RMI1: variants seen among roughly 807,000 people sequenced by gnomAD.
RMI1 encodes RecQ mediated genome instability 1.
RMI1 carries 36 observed loss-of-function variants against 46.7 expected under a neutral mutation model. The observed-to-expected ratio is 0.77, with a 90% CI of 0.59 to 1.02. RMI1 has a LOEUF of 1.02. RMI1 is among the 50% of genes least tolerant of loss of function. The pLI is 0.00. For missense variants in RMI1, 676 were observed against 713.7 expected, an observed-to-expected ratio of 0.95 and a Z score of 0.60; for synonymous variants, 250 against 252.9, an observed-to-expected ratio of 0.99 and a Z score of 0.11.
rs1387134061 is a variant in RMI1, at chr9:84,002,821, A to G, written c.1835A>G (p.Asn612Ser). Reference sequence around the variant, plus strand: ...ATGGTACTGGCATTACAAGATGTTAATATGGAACACCTTGAGAATCTAAAG... The same window carrying G: ...ATGGTACTGGCATTACAAGATGTTAGTATGGAACACCTTGAGAATCTAAAG... ...KAMVLALQDV[N>S]MEHLENLKKR... Residue 612 changes from asparagine (N) to serine (S), a missense_variant, in exon 3 of 3, where the codon AAT becomes AGT. By Grantham distance (46) the Asn-to-Ser change is conservative. Coordinates refer to ENST00000445877, the MANE Select transcript of RMI1 (RefSeq NM_001358291.2). The G allele has an allele frequency of 2.5e-6, 4 of 1,587,962 alleles. No homozygotes were observed. The East Asian group carries it at 6.8e-5, about 27-fold the overall frequency.
chr9:83,996,911 A>G (rs536204106), intron 1 of RMI1, among the ~76,000 whole-genome samples: 108 of 152,204 alleles, frequency 7.1e-4, no homozygotes, highest in South Asian at 1.9e-3. Flanking sequence ...ATTTATAAAC[A>G]AAGCATACAT....
chr9:83,988,816 AT>A, intron 1 of RMI1, among the ~76,000 whole-genome samples: 1 of 151,924 alleles, frequency 6.6e-6, no homozygotes, highest in East Asian at 1.9e-4. Flanking sequence ...CCATCTGCAT[AT>A]TTTCTTTGGT....
At chr9:83,992,217 C>G (rs982327250) in intron 1 of RMI1, among the ~76,000 whole-genome samples, 10 of 152,148 alleles carry the variant, frequency 6.6e-5, no homozygotes, top group Admixed American at 5.2e-4. Flanking sequence ...TTATAAAATA[C>G]ACTGTTTTGT....
chr9:84,001,106 T>C lies in RMI1; in HGVS notation c.120T>C (p.Asn40=), dbSNP rs1181110395. ...CINWIQEENN[N]VNLSQAQMNK... ...ACTGGATTCAAGAAGAAAATAATAA[T>C]GTTAACTTGAGTCAGGCCCAAATGA... Residue 40 remains asparagine, a synonymous_variant, in exon 3 of 3, where the codon AAT becomes AAC. Transcript: ENST00000445877. The C allele has an allele frequency of 2.5e-6, 4 of 1,614,110 alleles. No homozygotes were observed. Among genetic ancestry groups the C allele is most frequent in the Non-Finnish European group, 3.4e-6 (4 of 1,179,990 alleles).
At position 84,002,020 on chromosome 9, in the gene RMI1, C is replaced by T. The variant is rs751172957; in HGVS notation, c.1034C>T (p.Ala345Val). 6.2e-7 allele frequency: 1 copy of T among 1,613,908 alleles called. No individual in the cohort carries two copies. Among genetic ancestry groups the T allele is most frequent in the Non-Finnish European group, 8.5e-7 (1 of 1,179,902 alleles). ...CAACCATTGACTTTTAACAGAAATG[C>T]CGATCGAAGTATAGAGAGATTTTCA... The part of the protein sequence containing the change: ...ELQPLTFNRN[A>V]DRSIERFSHN... The change falls in exon 3 of 3, where the codon GCC (alanine) becomes GTC (valine). Residue 345 changes from alanine to valine, a missense_variant. By Grantham distance (64) the Ala-to-Val change is moderately conservative. Coordinates refer to ENST00000445877, the MANE Select transcript of RMI1 (RefSeq NM_001358291.2).
intron 1 of RMI1, among the ~76,000 whole-genome samples, chr9:83,983,233 T>A (rs1218012034): frequency 6.6e-6 from 1 of 152,238 alleles, no homozygotes; most frequent in African/African-American, 2.4e-5. Context: ...TGTGAACGAA[T>A]GAACTAGCAC....
intron 1 of RMI1, among the ~76,000 whole-genome samples, chr9:83,984,207 C>G (rs973055701): frequency 6.6e-6 from 1 of 151,270 alleles, no homozygotes; most frequent in Admixed American, 6.6e-5. Flanking sequence ...TTTCTTTGTC[C>G]TTATTTATGA....
At chr9:83,990,491 CAG>C in intron 1 of RMI1, among the ~76,000 whole-genome samples, 1 of 141,742 alleles carries the variant, frequency 7.1e-6, no homozygotes, top group East Asian at 2.1e-4. Flanking sequence ...GCCTGGGCGA[CAG>C]AGCTAGAATG....
At chr9:83,989,968 A>C (rs1393939863) in intron 1 of RMI1, among the ~76,000 whole-genome samples, 2 of 152,266 alleles carry the variant, frequency 1.3e-5, no homozygotes, top group Non-Finnish European at 1.5e-5. Flanking sequence ...GAATGGATAA[A>C]GAAAATGTAT....
intron 1 of RMI1, among the ~76,000 whole-genome samples, chr9:83,996,358 T>G (rs1564082994): frequency 1.3e-5 from 2 of 152,226 alleles, no homozygotes; most frequent in Non-Finnish European, 2.9e-5. Context: ...GGAGTCTGTT[T>G]CTGGTCTTCT....
At chr9:83,998,296 G>T (rs73471390) in intron 1 of RMI1, among the ~76,000 whole-genome samples, 5,127 of 152,128 alleles carry the variant, frequency 0.034, 268 homozygotes, top group African/African-American at 0.11. Flanking sequence ...TTAATATAAA[G>T]ATTAATCAGT....
Position 83,988,774 on chromosome 9 carries a change from A to G in RMI1, c.-126+7883A>G, listed in dbSNP as rs188733532. 4.9e-4 allele frequency among the ~76,000 whole-genome samples: 74 copies of G among 152,298 alleles called. No homozygotes were observed. In the East Asian group the frequency reaches 9.3e-3, roughly 19 times the overall value. The stretch of plus-strand genomic sequence containing the variant: ...TAATTTTGCATTTCCCTGATGTCTA[A>G]TAATATTGAACTGTTTTCCTGTGTT... On this transcript the variant is annotated intron_variant, in intron 1 of 2. Coordinates refer to ENST00000445877, the MANE Select transcript of RMI1 (RefSeq NM_001358291.2).
Position 84,003,497 on chromosome 9 carries a change from G to A in RMI1, c.*633G>A, listed in dbSNP as rs1957769121. 6.0e-6 allele frequency: 1 copy of A among 166,606 alleles called. No individual in the cohort carries two copies. The highest frequency in any genetic ancestry group is 1.5e-5 in the Non-Finnish European group (1 of 68,062). The allele number at this position is 166,606 out of a possible 1,614,324, so 10.3% of individuals were successfully genotyped here. On this transcript the variant is annotated 3_prime_UTR_variant, in exon 3 of 3. Coordinates refer to ENST00000445877, the MANE Select transcript of RMI1 (RefSeq NM_001358291.2). ...TAGGTAATTTCCTTCTAATATGTTG[G>A]TACTGTCTATGGCCATACCACCCTG...
At position 84,003,857 on chromosome 9, in the gene RMI1, T is replaced by C. The variant is rs1409629446; in HGVS notation, c.*993T>C. On this transcript the variant is annotated 3_prime_UTR_variant, in exon 3 of 3. Transcript: ENST00000445877. Reference sequence around the variant, plus strand: ...AAGCATTTATCTATGTCTTTAGGTGTCATTGTTCCCTTTCTGAATTAGCTG... The same window carrying C: ...AAGCATTTATCTATGTCTTTAGGTGCCATTGTTCCCTTTCTGAATTAGCTG... 2 of 167,014 alleles carry C rather than the reference T, an allele frequency of 1.2e-5. No individual in the cohort carries two copies. The highest frequency in any genetic ancestry group is 2.9e-5 in the Non-Finnish European group (2 of 68,104). The allele number at this position is 167,014 out of a possible 1,614,324, so 10.3% of individuals were successfully genotyped here. A position where few individuals can be genotyped will look rare whatever the true frequency, so the allele number is the denominator to read the frequency against.
At chr9:83,988,494 G>A (rs977436477) in intron 1 of RMI1, among the ~76,000 whole-genome samples, 1 of 152,086 alleles carries the variant, frequency 6.6e-6, no homozygotes, top group Non-Finnish European at 1.5e-5. Flanking sequence ...GGTAGAGACA[G>A]AGTTTTGCTG....
chr9:83,992,467 GAAAA>G (rs763203089), intron 1 of RMI1, among the ~76,000 whole-genome samples: 1 of 140,644 alleles, frequency 7.1e-6, no homozygotes, highest in African/African-American at 2.6e-5. Flanking sequence ...AAAACTACTG[GAAAA>G]AAAAAAAAGC....
In RMI1 at chr9:84,002,875, ATAGTAT is replaced by A. The variant is rs1479228401; in HGVS notation, c.*15_*20del. On this transcript the variant is annotated 3_prime_UTR_variant, in exon 3 of 3. Coordinates refer to ENST00000445877, the MANE Select transcript of RMI1 (RefSeq NM_001358291.2). ...CGGTTAAATAAATAATTAAACTAAA[ATAGTAT>A]TAGGAACAATTAAAAACAACAAGGA... 1.4e-6 allele frequency: 2 copies of A among 1,402,204 alleles called. No individual in the cohort carries two copies. The highest frequency in any genetic ancestry group is 2.5e-4 in the Middle Eastern group (1 of 3,924). 86.9% of individuals were successfully genotyped at this position (1,402,204 alleles called of 1,614,324 possible).
intron 1 of RMI1, among the ~76,000 whole-genome samples, chr9:83,995,852 TGTTTCC>T (rs1235377316): frequency 6.6e-6 from 1 of 152,242 alleles, no homozygotes; most frequent in African/African-American, 2.4e-5. Context: ...GACCATTTTC[TGTTTCC>T]AAGATTTGCA....
chr9:84,002,832 C>G lies in RMI1; in HGVS notation c.1846C>G (p.Leu616Val). The G allele has an allele frequency of 6.4e-7, 1 of 1,559,988 alleles. No homozygotes were observed. ...ATTACAAGATGTTAATATGGAACAC[C>G]TTGAGAATCTAAAGAAGCGGTTAAA... ...LALQDVNMEH[L>V]ENLKKRLNK Residue 616 changes from leucine (L) to valine (V), a missense_variant, in exon 3 of 3, where the codon CTT (leucine) becomes GTT (valine). Leu to Val is a conservative substitution (Grantham distance 32, BLOSUM62 1). Coordinates refer to ENST00000445877, the MANE Select transcript of RMI1 (RefSeq NM_001358291.2).
Sources: gnomAD v4.1 joint callset for allele counts (sites outside exome capture counted in the v4.1 genomes callset) on GRCh38, gnomAD v4.1.1 for gene constraint, MANE v1.5 for transcripts, NCBI Gene and HGNC (gene_info 2026-07-23, HGNC 2026-07-21) for gene names.